Variants in IQGAP2 observed in about 807,000 individuals in gnomAD.
The protein encoded by IQGAP2 is ras GTPase-activating-like protein IQGAP2.
A neutral mutation model predicts 201.3 loss-of-function variants in IQGAP2; 173 were observed. The ratio of observed to expected loss-of-function variants is 0.86; its 90% confidence interval spans 0.76 to 0.98. The LOEUF (loss-of-function observed/expected upper bound fraction) is 0.98, where lower values mean the gene tolerates loss of function less well. IQGAP2 is among the 50% of genes least tolerant of loss of function. The pLI is 0.00. For missense variants in IQGAP2, 1,687 were observed against 1,864.8 expected (o/e 0.90, Z 1.76); for synonymous variants, 675 against 673.9 (o/e 1.00, Z -0.03).
At position 76,686,234 on chromosome 5, in the gene IQGAP2, A is replaced by C. The variant is rs1252691350; in HGVS notation, c.3905+2317A>C. 2.0e-5 allele frequency among the ~76,000 whole-genome samples: 3 copies of C among 151,096 alleles called. No individual in the cohort carries two copies. In the East Asian group the frequency reaches 5.8e-4, roughly 29 times the overall value. Reference sequence around the variant, plus strand: ...GACCATTATCAGATATATGATTTGCAAATATTTTTGCCCCTTGTGTGGGCT... The same window carrying C: ...GACCATTATCAGATATATGATTTGCCAATATTTTTGCCCCTTGTGTGGGCT... On this transcript the variant is annotated intron_variant, in intron 30 of 35. Transcript: ENST00000274364.
chr5:76,673,673 C>A, intron 25 of IQGAP2, 84 bp downstream of exon 25: 1 of 1,358,200 alleles, frequency 7.4e-7, no homozygotes, highest in Non-Finnish European at 1.0e-6. Flanking sequence ...GTAGTGAAGA[C>A]AGCAGTTTTC....
intron 4 of IQGAP2, among the ~76,000 whole-genome samples, 167 bp downstream of exon 4, chr5:76,570,824 C>T (rs1745064112): frequency 6.6e-6 from 1 of 152,156 alleles, no homozygotes; most frequent in Non-Finnish European, 1.5e-5. Flanking sequence ...ATGGCAAGAA[C>T]TCAGAATGAG....
At chr5:76,663,740 C>T (rs1743481367) in intron 21 of IQGAP2, among the ~76,000 whole-genome samples, 1 of 151,890 alleles carries the variant, frequency 6.6e-6, no homozygotes, top group Middle Eastern at 3.4e-3. Flanking sequence ...GCTCTGTTGC[C>T]CAGGTTGATC....
At chr5:76,572,324 G>A (rs986003672) in intron 4 of IQGAP2, among the ~76,000 whole-genome samples, 16 of 150,758 alleles carry the variant, frequency 1.1e-4, no homozygotes, top group African/African-American at 2.9e-4. Flanking sequence ...AGTGATTCTC[G>A]GGGTTATCAC....
intron 32 of IQGAP2, among the ~76,000 whole-genome samples, chr5:76,697,773 G>A (rs1746889429): frequency 6.6e-6 from 1 of 152,144 alleles, no homozygotes; most frequent in Non-Finnish European, 1.5e-5. Flanking sequence ...ATGTTAACAA[G>A]TCTCTTAAAG....
At chr5:76,607,442 T>C (rs1378913841) in intron 12 of IQGAP2, 1 of 152,210 alleles carries the variant, frequency 6.6e-6, no homozygotes, top group Non-Finnish European at 1.5e-5. Flanking sequence ...ACTGTTACAC[T>C]GATCCCTGGA....
At chr5:76,551,545 T>C (rs1580438370) in intron 2 of IQGAP2, among the ~76,000 whole-genome samples, 1 of 152,002 alleles carries the variant, frequency 6.6e-6, no homozygotes, top group Non-Finnish European at 1.5e-5. Flanking sequence ...ATCACGTCAC[T>C]GCACTCCAGC....
chr5:76,631,048 G>A (rs465959), intron 14 of IQGAP2, among the ~76,000 whole-genome samples: 86,399 of 151,550 alleles, frequency 0.57, 24,653 homozygotes, highest in South Asian at 0.63. Flanking sequence ...GAAAGCATCC[G>A]TGTCTCCCTT....
chr5:76,659,926 G>C (rs571361604), intron 21 of IQGAP2: 11 of 56,358 alleles, frequency 2.0e-4, no homozygotes, highest in African/African-American at 1.0e-3. Context: ...GCCAACATCA[G>C]GGCTCAAAAA....
intron 1 of IQGAP2, among the ~76,000 whole-genome samples, chr5:76,432,085 A>C (rs1350279666): frequency 2.0e-5 from 3 of 150,950 alleles, no homozygotes; most frequent in African/African-American, 7.3e-5. Context: ...TGTCATTAGA[A>C]AAGATTTATG....
Position 76,665,175 on chromosome 5 carries a change from G to A in IQGAP2, c.2679G>A (p.Gln893=). ...ATCAGCAGCTGTTTTACCTTTTACA[G>A]GTGAGAACAATTTATCGTTCACTCT... ...ETYQQLFYLL[Q]TNPLYLAKLI... The change falls in exon 22 of 36, where the codon CAG becomes CAA. Residue 893 remains glutamine, a splice_region_variant and synonymous_variant. Coordinates refer to ENST00000274364, the MANE Select transcript of IQGAP2 (RefSeq NM_006633.5). The A allele has an allele frequency of 6.2e-7, 1 of 1,610,834 alleles. No homozygotes were observed. The highest frequency in any genetic ancestry group is 1.1e-5 in the South Asian group (1 of 90,260).
At chr5:76,639,381 G>A (rs752733467) in intron 16 of IQGAP2, among the ~76,000 whole-genome samples, 66 of 152,250 alleles carry the variant, frequency 4.3e-4, no homozygotes, top group Non-Finnish European at 7.8e-4. Flanking sequence ...TGTGCCCATT[G>A]CTCTGGAATT....
chr5:76,673,465 G>A lies in IQGAP2; in HGVS notation c.3085G>A (p.Val1029Met). Reference protein sequence around the residue: ...TGEASKLPYDVTTEQALTYPE... With the variant: ...TGEASKLPYDMTTEQALTYPE... ...TGTTTTCAGCAAGTTGCCTTATGATGTGACCACAGAACAAGCTCTAACATA... is the reference window on the plus strand; with the variant it reads ...TGTTTTCAGCAAGTTGCCTTATGATATGACCACAGAACAAGCTCTAACATA... The change falls in exon 25 of 36, where the codon GTG (valine) becomes ATG (methionine). Residue 1029 changes from valine to methionine, a missense_variant. Val to Met is a conservative substitution (Grantham distance 21). Coordinates refer to ENST00000274364, the MANE Select transcript of IQGAP2 (RefSeq NM_006633.5). 6.2e-7 allele frequency: 1 copy of A among 1,613,730 alleles called. No homozygotes were observed. The highest frequency in any genetic ancestry group is 1.3e-5 in the African/African-American group (1 of 75,020).
intron 33 of IQGAP2, among the ~76,000 whole-genome samples, chr5:76,700,186 C>T (rs1191126389): frequency 5.3e-5 from 8 of 152,120 alleles, no homozygotes; most frequent in African/African-American, 1.7e-4. Context: ...ACAAGATCCA[C>T]AGTCGGGCGA....
intron 2 of IQGAP2, 112 bp downstream of exon 2, chr5:76,461,781 A>T: frequency 1.4e-6 from 1 of 697,872 alleles, no homozygotes; most frequent in Non-Finnish European, 2.5e-6. Context: ...AATTCTAAAG[A>T]GTTGTCGTAG....
chr5:76,419,660 TTTC>T (rs1751614964), intron 1 of IQGAP2, among the ~76,000 whole-genome samples: 1 of 115,558 alleles, frequency 8.7e-6, no homozygotes, highest in African/African-American at 2.8e-5. Flanking sequence ...TCTTTTTCTT[TTTC>T]TTTTCTTTTC....
At position 76,562,466 on chromosome 5, in the gene IQGAP2, G is replaced by A. The variant is rs754791360; in HGVS notation, c.217G>A (p.Val73Ile). Residue 73 changes from valine (V) to isoleucine (I), a missense_variant, in exon 3 of 36, where the codon GTT (valine) becomes ATT (isoleucine). Val to Ile is a conservative substitution (Grantham distance 29, BLOSUM62 3). Coordinates refer to ENST00000274364, the MANE Select transcript of IQGAP2 (RefSeq NM_006633.5). ...TELEEGLRNG[V>I]YLAKLAKFFA... ...ATTGGAAGAAGGGCTCCGGAATGGA[G>A]TTTACCTTGCAAAGTTAGCCAAGTT... The A allele has an allele frequency of 6.2e-7, 1 of 1,613,912 alleles. No individual in the cohort carries two copies. The highest frequency in any genetic ancestry group is 8.5e-7 in the Non-Finnish European group (1 of 1,179,808).
intron 1 of IQGAP2, among the ~76,000 whole-genome samples, chr5:76,437,183 C>T (rs756529387): frequency 1.3e-5 from 2 of 151,968 alleles, no homozygotes; most frequent in Non-Finnish European, 2.9e-5. Context: ...TCCTGAGTAG[C>T]TGAGATTACA....
intron 5 of IQGAP2, among the ~76,000 whole-genome samples, chr5:76,583,955 G>A (rs557125117): frequency 2.5e-4 from 38 of 151,794 alleles, no homozygotes; most frequent in East Asian, 9.7e-4. Flanking sequence ...TCACTGCAAC[G>A]TCTGTCTCCC....
Sources: allele counts gnomAD v4.1 joint callset (sites outside exome capture counted in the v4.1 genomes callset), GRCh38; gene constraint gnomAD v4.1.1; transcripts MANE v1.5; gene names NCBI Gene and HGNC (gene_info 2026-07-23, HGNC 2026-07-21).